GPM6A: variants seen among roughly 807,000 people sequenced by gnomAD.
The protein encoded by GPM6A is neuronal membrane glycoprotein M6-a.
A neutral mutation model predicts 32.1 loss-of-function variants in GPM6A; 7 were observed. That is an observed-to-expected ratio of 0.22 (90% CI 0.12 to 0.41). The LOEUF is 0.41. Among genes scored for constraint, GPM6A ranks in the 10% least tolerant of loss-of-function variants. The pLI is 1.00. For synonymous variants in GPM6A, 130 were observed against 123.4 expected (o/e 1.05, Z -0.35); for missense variants, 235 against 347.2 (o/e 0.68, Z 2.57).
chr4:175,961,615 C>T (rs538283031), intron 1 of GPM6A, among the ~76,000 whole-genome samples: 1 of 152,258 alleles, frequency 6.6e-6, no homozygotes, highest in African/African-American at 2.4e-5. Context: ...GGTCCCCACA[C>T]TTTTCGGAGT....
At chr4:175,704,987 T>C (rs976196453) in intron 1 of GPM6A, among the ~76,000 whole-genome samples, 3 of 152,188 alleles carry the variant, frequency 2.0e-5, no homozygotes, top group Admixed American at 1.3e-4. Context: ...TTCTGATTAA[T>C]TTAAGTATTA....
intron 2 of GPM6A, among the ~76,000 whole-genome samples, chr4:175,692,738 C>A (rs756961017): frequency 1.3e-5 from 2 of 151,886 alleles, no homozygotes; most frequent in African/African-American, 2.4e-5. Context: ...ATCCTTCTTA[C>A]CCCATGATAA....
rs1246972057 is a variant in GPM6A at position 175,640,711 on chromosome 4, T to C, written c.618+42A>G. The C allele has an allele frequency of 3.2e-6, 4 of 1,251,364 alleles. No homozygotes were observed. The African/African-American group carries it at 4.5e-5, about 14-fold the overall frequency. The allele number at this position is 1,251,364 out of a possible 1,614,324, so 77.5% of individuals were successfully genotyped here. A position where few individuals can be genotyped will look rare whatever the true frequency, so the allele number is the denominator to read the frequency against. On this transcript the variant is annotated intron_variant, in intron 5 of 6. Transcript: ENST00000393658. ...CATTATCCAAATAATAAAAAATGAA[T>C]GCTAAAATTCTGACAAAATTAAAGG... is the stretch of plus-strand genomic sequence containing the variant.
rs572204428 is a variant in GPM6A at position 175,797,951 on chromosome 4, T to C, written c.37+14240A>G. On this transcript the variant is annotated intron_variant, in intron 1 of 6. Transcript: ENST00000393658. ...CAAGACTCTAAGTGTGGTTCCAGGA[T>C]CCACAAAAATAGAATTACCTGAGAA... Among the ~76,000 whole-genome samples the C allele has an allele frequency of 5.3e-5, 8 of 152,212 alleles. No homozygotes were observed. The South Asian group carries it at 1.7e-3, about 32-fold the overall frequency.
At chr4:175,687,899 C>T (rs1486925017) in intron 2 of GPM6A, among the ~76,000 whole-genome samples, 3 of 152,106 alleles carry the variant, frequency 2.0e-5, no homozygotes, top group Non-Finnish European at 4.4e-5. Context: ...GAGGTGACAG[C>T]TCATTATGGT....
chr4:175,864,580 T>C (rs1470062049), intron 1 of GPM6A, among the ~76,000 whole-genome samples: 1 of 152,180 alleles, frequency 6.6e-6, no homozygotes, highest in East Asian at 1.9e-4. Context: ...CAAATATGTT[T>C]TCTATGGCCA....
chr4:175,965,614 CT>C (rs59648310), intron 1 of GPM6A, among the ~76,000 whole-genome samples: 2,583 of 141,032 alleles, frequency 0.018, 51 homozygotes, highest in African/African-American at 0.056. Flanking sequence ...CTATTTCTCT[CT>C]TTTTTTTTTT....
At chr4:175,868,363 A>G (rs1560971823) in intron 1 of GPM6A, among the ~76,000 whole-genome samples, 2 of 152,204 alleles carry the variant, frequency 1.3e-5, no homozygotes, top group Non-Finnish European at 2.9e-5. Context: ...TAGTATCTGT[A>G]GTGAAACACC....
chr4:175,682,454 G>A (rs2111010500), intron 2 of GPM6A, among the ~76,000 whole-genome samples: 1 of 152,274 alleles, frequency 6.6e-6, no homozygotes, highest in Non-Finnish European at 1.5e-5. Context: ...TCTTGCTAGA[G>A]AAATATGCAT....
rs139620722 is a variant in GPM6A at position 175,709,248 on chromosome 4, TCTC to T, written c.38-7484_38-7482del. ...TTCCTTCCTCCCTCTTCTCCTCCTC[TCTC>T]CTCCTTTTTTCTTTCCCTTTTCCTC... On this transcript the variant is annotated intron_variant, in intron 1 of 6. Transcript: ENST00000393658. 2.7e-3 allele frequency among the ~76,000 whole-genome samples: 411 copies of T among 151,890 alleles called. 3 individuals carry two copies. The highest frequency in any genetic ancestry group is 9.6e-3 in the African/African-American group (398 of 41,432).
intron 1 of GPM6A, among the ~76,000 whole-genome samples, chr4:175,800,300 G>A (rs1399761805): frequency 6.6e-6 from 1 of 152,118 alleles, no homozygotes; most frequent in Non-Finnish European, 1.5e-5. Flanking sequence ...CCCAAATCTA[G>A]GTAGAGGTAT....
intron 1 of GPM6A, among the ~76,000 whole-genome samples, chr4:175,722,358 C>T (rs899371441): frequency 1.6e-4 from 25 of 151,774 alleles, no homozygotes; most frequent in African/African-American, 6.1e-4. Context: ...GAATAAAGAC[C>T]CCCTGGTCAC....
chr4:175,771,376 T>C (rs1415765965), intron 1 of GPM6A, among the ~76,000 whole-genome samples: 2 of 151,758 alleles, frequency 1.3e-5, no homozygotes, highest in African/African-American at 2.4e-5. Context: ...GATTGAGACC[T>C]TCCTGGCCAA....
chr4:175,887,528 CAAG>C (rs893361720), intron 1 of GPM6A, among the ~76,000 whole-genome samples: 5 of 151,606 alleles, frequency 3.3e-5, no homozygotes, highest in Admixed American at 3.3e-4. Flanking sequence ...ACACTGATCA[CAAG>C]AAGCAATAAA....
At chr4:175,741,767 C>T (rs990895880) in intron 1 of GPM6A, among the ~76,000 whole-genome samples, 37 of 152,002 alleles carry the variant, frequency 2.4e-4, no homozygotes, top group African/African-American at 8.9e-4. Flanking sequence ...ATTTAGTTGG[C>T]GCTATTATAT....
At chr4:175,768,829 C>T (rs1733075772) in intron 1 of GPM6A, among the ~76,000 whole-genome samples, 1 of 152,128 alleles carries the variant, frequency 6.6e-6, no homozygotes, top group Non-Finnish European at 1.5e-5. Flanking sequence ...GGTACGGTGG[C>T]TCACATCTGT....
chr4:175,707,725 T>C (rs1194689341), intron 1 of GPM6A, among the ~76,000 whole-genome samples: 5 of 152,160 alleles, frequency 3.3e-5, no homozygotes, highest in Admixed American at 3.3e-4. Context: ...TTAAAAGTAA[T>C]GCGAAAAGGT....
At chr4:175,814,816 A>C (rs6847444), upstream of GPM6A, among the ~76,000 whole-genome samples, 113,321 of 152,000 alleles carry the variant, frequency 0.75, 42,458 homozygotes, top group East Asian at 0.93. Flanking sequence ...GTAAAATATA[A>C]AAGAAAAATT....
chr4:175,957,619 C>T (rs539479492), intron 1 of GPM6A, among the ~76,000 whole-genome samples: 3 of 152,040 alleles, frequency 2.0e-5, no homozygotes, highest in African/African-American at 7.2e-5. Context: ...TGTAGATGAC[C>T]GGTTGATGGG....
Sources: gnomAD v4.1 joint callset for allele counts (sites outside exome capture counted in the v4.1 genomes callset) on GRCh38, gnomAD v4.1.1 for gene constraint, MANE v1.5 for transcripts, NCBI Gene and HGNC (gene_info 2026-07-23, HGNC 2026-07-21) for gene names.